The following NAA15 variants were observed in gnomAD, a reference collection of about 807,000 sequenced individuals.
NAA15 encodes the protein N-terminal acetyltransferase.
Under a neutral mutation model 114.0 loss-of-function variants are expected in NAA15, and 34 were observed. The ratio of observed to expected loss-of-function variants is 0.30; its 90% CI spans 0.23 to 0.40. NAA15 has a LOEUF of 0.40. Among genes scored for constraint, NAA15 ranks in the 10% least tolerant of loss-of-function variants. The probability of loss-of-function intolerance (pLI) is 1.00; values close to 1 mark genes in which losing one functional copy is unlikely to be tolerated. For synonymous variants in NAA15, 340 were observed against 338.0 expected (o/e 1.01, Z -0.06); for missense variants, 658 against 1,004.5 (o/e 0.66, Z 4.66).
At chr4:139,373,914 A>G (rs1190595278) in intron 15 of NAA15, among the ~76,000 whole-genome samples, 1 of 152,110 alleles carries the variant, frequency 6.6e-6, no homozygotes, top group South Asian at 2.1e-4. Context: ...CATGTTGGCC[A>G]GGCTGGTCTT....
At chr4:139,309,321 CT>C (rs1287007636) in intron 1 of NAA15, among the ~76,000 whole-genome samples, 2 of 148,934 alleles carry the variant, frequency 1.3e-5, no homozygotes, top group Non-Finnish European at 3.0e-5. Flanking sequence ...GCTCTCCAGC[CT>C]GGGGGACAAG....
At chr4:139,385,290 ATATATATATAATATATAT>A (rs1560984117) in intron 18 of NAA15, among the ~76,000 whole-genome samples, 6 of 99,784 alleles carry the variant, frequency 6.0e-5, no homozygotes, top group East Asian at 4.6e-4. Flanking sequence ...TATAATATAT[ATATATATATAATATATAT>A]TATATATATA....
At chr4:139,317,275 G>A (rs1560954232) in intron 1 of NAA15, among the ~76,000 whole-genome samples, 2 of 151,838 alleles carry the variant, frequency 1.3e-5, no homozygotes, top group East Asian at 1.9e-4. Flanking sequence ...GATTTTATTT[G>A]CTCTTTTTCT....
Position 139,345,646 on chromosome 4 carries a change from C to T in NAA15, c.691+1307C>T, listed in dbSNP as rs539833936. ...CTATTTAAAAGAGACTGAGGCCGGG[C>T]GCGGTGGCTCAACCCTGTAATCCCA... On this transcript the variant is annotated intron_variant, in intron 6 of 19. Coordinates refer to ENST00000296543, the MANE Select transcript of NAA15 (RefSeq NM_057175.5). Among the ~76,000 whole-genome samples, 19 of 152,218 alleles carry T rather than the reference C, an allele frequency of 1.2e-4. No individual in the cohort carries two copies. In the South Asian group the frequency reaches 3.7e-3, roughly 30 times the overall value.
chr4:139,326,537 A>C (rs903020939), intron 1 of NAA15, among the ~76,000 whole-genome samples: 5 of 152,214 alleles, frequency 3.3e-5, no homozygotes, highest in African/African-American at 1.2e-4. Context: ...TAAAGTATAG[A>C]GTCACTGTTT....
intron 3 of NAA15, among the ~76,000 whole-genome samples, chr4:139,340,311 T>C (rs4863649): frequency 0.54 from 82,678 of 151,974 alleles, 24,982 homozygotes; most frequent in African/African-American, 0.83. Context: ...GACAGAGCAA[T>C]ACCTGTCTCA....
chr4:139,322,811 C>T (rs1746664772), intron 1 of NAA15, among the ~76,000 whole-genome samples: 1 of 152,072 alleles, frequency 6.6e-6, no homozygotes, highest in Admixed American at 6.6e-5. Flanking sequence ...TGTGCCTTAG[C>T]CTCCCGAGTA....
intron 1 of NAA15, among the ~76,000 whole-genome samples, chr4:139,317,597 G>A (rs1387339360): frequency 1.3e-5 from 2 of 152,292 alleles, no homozygotes; most frequent in Admixed American, 1.3e-4. Flanking sequence ...CTCCAGCCTG[G>A]GTGACAGAGC....
chr4:139,327,570 T>C (rs915877336), intron 1 of NAA15, among the ~76,000 whole-genome samples: 4 of 152,190 alleles, frequency 2.6e-5, no homozygotes, highest in African/African-American at 9.7e-5. Flanking sequence ...GTAAATCTTA[T>C]TCTCATTCTT....
intron 11 of NAA15, among the ~76,000 whole-genome samples, chr4:139,358,054 C>T (rs1359477685): frequency 6.6e-6 from 1 of 152,060 alleles, no homozygotes; most frequent in Non-Finnish European, 1.5e-5. Flanking sequence ...ATAAAGTTGG[C>T]TTTTCTCTGT....
At chr4:139,374,604 T>C (rs1748533356) in intron 15 of NAA15, among the ~76,000 whole-genome samples, 1 of 152,222 alleles carries the variant, frequency 6.6e-6, no homozygotes, top group East Asian at 1.9e-4. Context: ...TTGACTTTTT[T>C]TTCCTGAAAT....
intron 14 of NAA15, among the ~76,000 whole-genome samples, chr4:139,363,020 G>GGACAGTTT (rs1748177921): frequency 6.6e-6 from 1 of 152,006 alleles, no homozygotes; most frequent in Admixed American, 6.6e-5. Flanking sequence ...TGTTGCCTAA[G>GGACAGTTT]GACAGTTTAG....
At chr4:139,317,531 G>GA (rs1484091552) in intron 1 of NAA15, among the ~76,000 whole-genome samples, 1 of 152,180 alleles carries the variant, frequency 6.6e-6, no homozygotes, top group Admixed American at 6.5e-5. Context: ...TGAGGCAGGA[G>GA]AATCTCTTGA....
At chr4:139,348,346 AG>A (rs1747664700) in intron 6 of NAA15, among the ~76,000 whole-genome samples, 1 of 151,148 alleles carries the variant, frequency 6.6e-6, no homozygotes, top group African/African-American at 2.4e-5. Flanking sequence ...TCCAGCTACT[AG>A]GGAGGCTGAG....
chr4:139,327,290 C>T (rs977615762), intron 1 of NAA15, among the ~76,000 whole-genome samples: 13 of 152,198 alleles, frequency 8.5e-5, no homozygotes, highest in East Asian at 3.8e-4. Flanking sequence ...CGCTCTGTCA[C>T]CCAGGCTGGA....
intron 1 of NAA15, among the ~76,000 whole-genome samples, chr4:139,314,867 G>A (rs1398802278): frequency 1.3e-5 from 2 of 151,696 alleles, no homozygotes; most frequent in African/African-American, 2.4e-5. Context: ...TAGTAGAAAC[G>A]GGATTTCACC....
intron 17 of NAA15, 113 bp from the exon 18 acceptor site, chr4:139,384,719 T>A: frequency 1.6e-6 from 1 of 613,514 alleles, no homozygotes; most frequent in South Asian, 5.2e-5. Context: ...TGTGCCACTG[T>A]ACTCCAGCCT....
intron 1 of NAA15, among the ~76,000 whole-genome samples, chr4:139,310,101 C>T (rs1263308169): frequency 6.6e-6 from 1 of 152,160 alleles, no homozygotes; most frequent in Admixed American, 6.5e-5. Context: ...TTTAATATTT[C>T]TGCTTCTGAC....
intron 1 of NAA15, among the ~76,000 whole-genome samples, chr4:139,312,298 G>A (rs1209368223): frequency 6.6e-6 from 1 of 151,916 alleles, no homozygotes; most frequent in Non-Finnish European, 1.5e-5. Context: ...AAATGTTAGG[G>A]TGTGGAAGGA....
Sources: gnomAD v4.1 joint callset for allele counts (sites outside exome capture counted in the v4.1 genomes callset) on GRCh38, gnomAD v4.1.1 for gene constraint, MANE v1.5 for transcripts, NCBI Gene and HGNC (gene_info 2026-07-23, HGNC 2026-07-21) for gene names.